Variants in PSMF1 observed in about 807,000 individuals in gnomAD.
PSMF1 encodes the protein proteasome inhibitor PI31 subunit.
A neutral mutation model predicts 29.3 loss-of-function variants in PSMF1; 30 were observed. The observed-to-expected ratio is 1.02, with a 90% CI of 0.77 to 1.39. The LOEUF (loss-of-function observed/expected upper bound fraction) is 1.39, where lower values mean the gene tolerates loss of function less well. Among genes scored for constraint, PSMF1 ranks in the 40% most tolerant of loss-of-function variants. The probability of loss-of-function intolerance (pLI) is 0.00; values close to 1 mark genes in which losing one functional copy is unlikely to be tolerated. For missense variants in PSMF1, 344 were observed against 357.5 expected (o/e 0.96, Z 0.31); for synonymous variants, 134 against 139.7 (o/e 0.96, Z 0.29).
chr20:1,154,969 A>C (rs2086575324), intron 4 of PSMF1, among the ~76,000 whole-genome samples: 2 of 152,374 alleles, frequency 1.3e-5, no homozygotes, highest in Middle Eastern at 3.4e-3. Context: ...CTGGTTCTAG[A>C]GTAAGCACAT....
intron 1 of PSMF1, among the ~76,000 whole-genome samples, chr20:1,119,843 A>T (rs1319025358): frequency 1.3e-5 from 2 of 151,462 alleles, no homozygotes; most frequent in Non-Finnish European, 2.9e-5. Context: ...CTGTTCTCTC[A>T]CTCTCAGAAC....
At chr20:1,161,187 C>T (rs759956695) in intron 4 of PSMF1, 13 of 327,070 alleles carry the variant, frequency 4.0e-5, no homozygotes, top group Non-Finnish European at 6.0e-5. Flanking sequence ...CACAGCCAAG[C>T]GGGAGATCAT....
chr20:1,163,146 C>T lies in PSMF1; in HGVS notation c.568C>T (p.Pro190Ser), dbSNP rs2086687258. 6.2e-7 allele frequency: 1 copy of T among 1,613,984 alleles called. No homozygotes were observed. Among genetic ancestry groups the T allele is most frequent in the African/African-American group, 1.3e-5 (1 of 74,892 alleles). ...RQPPWCDPLG[P>S]FVVGGEDLDP... ...TTGTTTCAGGTGTGATCCCCTGGGC[C>T]CGTTTGTTGTCGGGGGAGAAGACTT... The change falls in exon 5 of 7, where the codon CCG (proline) becomes TCG (serine). Residue 190 changes from proline (P) to serine (S), a missense_variant. Transcript: ENST00000335877. This position sits in a 1 kb window ranked among gnomAD's most constrained non-coding sequence, Gnocchi z 6.1.
At chr20:1,138,609 A>G (rs2086339741) in intron 4 of PSMF1, among the ~76,000 whole-genome samples, 1 of 152,178 alleles carries the variant, frequency 6.6e-6, no homozygotes, top group South Asian at 2.1e-4. Context: ...ACACCCTTTC[A>G]TGACAGGAGC....
chr20:1,143,945 C>T (rs930383409), intron 4 of PSMF1, among the ~76,000 whole-genome samples: 1 of 152,012 alleles, frequency 6.6e-6, no homozygotes. Flanking sequence ...CTAAAATTAG[C>T]GGGTGTGGTG....
chr20:1,145,004 G>A (rs2086431328), intron 4 of PSMF1, among the ~76,000 whole-genome samples: 1 of 152,086 alleles, frequency 6.6e-6, no homozygotes, highest in Non-Finnish European at 1.5e-5. Flanking sequence ...TTCTGCCTCA[G>A]CTTTCTGAGT....
intron 4 of PSMF1, among the ~76,000 whole-genome samples, chr20:1,148,039 C>T (rs372376632): frequency 2.0e-5 from 3 of 152,216 alleles, no homozygotes; most frequent in South Asian, 4.1e-4. Flanking sequence ...CTTAAACACT[C>T]TTGTTTTGCC....
upstream of PSMF1, among the ~76,000 whole-genome samples, chr20:1,116,738 C>T (rs1181846500): frequency 1.3e-5 from 2 of 151,782 alleles, no homozygotes; most frequent in African/African-American, 4.8e-5. Flanking sequence ...AAGAAATAAA[C>T]ACCTAACATA....
chr20:1,165,162 T>C lies in PSMF1; in HGVS notation c.*82T>C, dbSNP rs2086713715. 2.5e-6 allele frequency: 4 copies of C among 1,610,674 alleles called. No homozygotes were observed. In the Admixed American group the frequency reaches 6.7e-5, roughly 27 times the overall value. On this transcript the variant is annotated 3_prime_UTR_variant, in exon 7 of 7. Coordinates refer to ENST00000335877, the MANE Select transcript of PSMF1 (RefSeq NM_006814.5). ...CTGTCCCCATCAGCAACCATGTTCT[T>C]GCAGGCTGGGGGCAAGGGATTCTGC...
intron 4 of PSMF1, chr20:1,161,455 C>A: frequency 2.1e-6 from 1 of 470,474 alleles, no homozygotes. Context: ...GACCTGTATG[C>A]CAACACGGTG....
chr20:1,142,764 A>G (rs551944833), intron 4 of PSMF1, among the ~76,000 whole-genome samples: 1 of 152,352 alleles, frequency 6.6e-6, no homozygotes, highest in South Asian at 2.1e-4. Flanking sequence ...AGCATGTTTT[A>G]TAATCCTTTG....
intron 4 of PSMF1, among the ~76,000 whole-genome samples, chr20:1,135,989 T>C (rs1375870203): frequency 6.6e-6 from 1 of 152,082 alleles, no homozygotes; most frequent in Admixed American, 6.5e-5. Context: ...AGGGACAGAG[T>C]TCACTGTGAG....
intron 4 of PSMF1, among the ~76,000 whole-genome samples, chr20:1,162,629 C>G (rs2086680864): frequency 6.6e-6 from 1 of 152,098 alleles, no homozygotes. Context: ...AGTGCATAAA[C>G]AGATACACAG....
chr20:1,162,756 T>C (rs527953091), intron 4 of PSMF1, among the ~76,000 whole-genome samples: 5 of 152,296 alleles, frequency 3.3e-5, no homozygotes, highest in Non-Finnish European at 7.4e-5. Context: ...CTTTCAAATC[T>C]TAGCTTTGGG....
intron 1 of PSMF1, among the ~76,000 whole-genome samples, chr20:1,122,290 CTTTTCTTTT>C (rs1568463096): frequency 6.1e-5 from 7 of 115,466 alleles, no homozygotes; most frequent in South Asian, 6.0e-4. Flanking sequence ...TTTTCTTTTT[CTTTTCTTTT>C]TTTTTTTTTT....
chr20:1,152,309 T>A (rs778552028), intron 4 of PSMF1, among the ~76,000 whole-genome samples: 18 of 152,248 alleles, frequency 1.2e-4, no homozygotes, highest in Non-Finnish European at 1.9e-4. Flanking sequence ...ACACATCTTA[T>A]GAGCATTGGA....
chr20:1,117,338 T>C (rs188344562), upstream of PSMF1, among the ~76,000 whole-genome samples: 49 of 152,026 alleles, frequency 3.2e-4, 1 homozygote, highest in East Asian at 8.1e-3. Context: ...CTTTTCTTTT[T>C]TTTTTTTTTT....
intron 3 of PSMF1, among the ~76,000 whole-genome samples, chr20:1,133,381 T>C (rs1036741089): frequency 6.6e-6 from 1 of 150,942 alleles, no homozygotes; most frequent in South Asian, 2.1e-4. Context: ...CTTATTGATA[T>C]GGTAGATTAC....
At chr20:1,126,629 C>G (rs1465455925) in intron 2 of PSMF1, among the ~76,000 whole-genome samples, 2 of 152,210 alleles carry the variant, frequency 1.3e-5, no homozygotes, top group East Asian at 1.9e-4. Flanking sequence ...AATCCCAGCA[C>G]TTTGGGAGGC....
Sources: gnomAD v4.1 joint callset for allele counts (sites outside exome capture counted in the v4.1 genomes callset) on GRCh38, gnomAD v4.1.1 for gene constraint, Gnocchi (gnomAD v3.1) non-coding constraint, MANE v1.5 for transcripts, NCBI Gene and HGNC (gene_info 2026-07-23, HGNC 2026-07-21) for gene names.